CCDC158: variants seen among roughly 807,000 people sequenced by gnomAD.
The protein encoded by CCDC158 is coiled-coil domain containing 158.
Under a neutral mutation model 138.6 loss-of-function variants are expected in CCDC158, and 116 were observed. The ratio of observed to expected loss-of-function variants is 0.84; its 90% CI spans 0.72 to 0.98. The LOEUF is 0.98. Ranked by LOEUF, CCDC158 falls within the 50% of genes least tolerant of loss-of-function variation. The pLI is 0.00. For synonymous variants in CCDC158, 436 were observed against 442.4 expected, an observed-to-expected ratio of 0.99 and a Z score of 0.18; for missense variants, 1,265 against 1,306.1, an observed-to-expected ratio of 0.97 and a Z score of 0.48.
At chr4:76,418,971 G>A (rs1729907258) in intron 1 of CCDC158, among the ~76,000 whole-genome samples, 1 of 152,086 alleles carries the variant, frequency 6.6e-6, no homozygotes, top group Admixed American at 6.6e-5. Flanking sequence ...TTTAATACAT[G>A]GAAGCACTTC....
At chr4:76,346,186 A>G (rs542876239) in intron 18 of CCDC158, among the ~76,000 whole-genome samples, 4 of 152,256 alleles carry the variant, frequency 2.6e-5, no homozygotes, top group Non-Finnish European at 4.4e-5. Context: ...CTGGTTAGCC[A>G]TATACAAAAA....
chr4:76,339,862 C>T (rs980333571), intron 18 of CCDC158, among the ~76,000 whole-genome samples: 2 of 152,164 alleles, frequency 1.3e-5, no homozygotes, highest in African/African-American at 2.4e-5. Flanking sequence ...AAAGTACATG[C>T]CTTTAACTCA....
chr4:76,362,760 C>T (rs1189467443), intron 12 of CCDC158, among the ~76,000 whole-genome samples: 1 of 152,222 alleles, frequency 6.6e-6, no homozygotes, highest in Non-Finnish European at 1.5e-5. Context: ...CCTCAGTTAC[C>T]TCACCCTAGT....
At chr4:76,409,454 C>T (rs78187898) in intron 2 of CCDC158, among the ~76,000 whole-genome samples, 4,460 of 152,240 alleles carry the variant, frequency 0.029, 221 homozygotes, top group African/African-American at 0.1. Flanking sequence ...CCTCTTCTGA[C>T]ATGCCGAAGG....
chr4:76,355,798 C>CGT (rs71212417), intron 14 of CCDC158, among the ~76,000 whole-genome samples: 13,740 of 145,202 alleles, frequency 0.095, 745 homozygotes, highest in Middle Eastern at 0.14. Context: ...AATATATGTA[C>CGT]GTGTGTGTGT....
At chr4:76,377,975 T>G (rs966724616) in intron 9 of CCDC158, among the ~76,000 whole-genome samples, 5 of 152,004 alleles carry the variant, frequency 3.3e-5, no homozygotes, top group African/African-American at 4.8e-5. Flanking sequence ...TTGCTTCAGT[T>G]GCATGTGTGT....
At chr4:76,354,989 C>T (rs144779247) in intron 15 of CCDC158, among the ~76,000 whole-genome samples, 3 of 152,252 alleles carry the variant, frequency 2.0e-5, no homozygotes, top group Non-Finnish European at 2.9e-5. Flanking sequence ...CCATTGTTCC[C>T]ATAAGCCCTG....
At chr4:76,417,232 TCTC>T (rs1729771161) in intron 1 of CCDC158, among the ~76,000 whole-genome samples, 2 of 152,314 alleles carry the variant, frequency 1.3e-5, no homozygotes, top group African/African-American at 4.8e-5. Flanking sequence ...TTGGCCAATT[TCTC>T]CTATTTAGAA....
At position 76,331,408 on chromosome 4, in the gene CCDC158, T is replaced by A. The variant is rs1182330255; in HGVS notation, c.2883-5A>T. 1 of 1,613,202 alleles carries A rather than the reference T, an allele frequency of 6.2e-7. No homozygotes were observed. The highest frequency in any genetic ancestry group is 2.2e-5 in the East Asian group (1 of 44,862). ...TCCCTCAACGAGTTGTTGCTTCTGT[T>A]GGTAGAGGGATGGGAGAAATCACAG... On this transcript the variant is annotated splice_region_variant and splice_polypyrimidine_tract_variant and intron_variant, in intron 20 of 24. Transcript: ENST00000682701.
At chr4:76,388,632 G>A (rs1221051363) in intron 4 of CCDC158, among the ~76,000 whole-genome samples, 1 of 151,708 alleles carries the variant, frequency 6.6e-6, no homozygotes, top group Non-Finnish European at 1.5e-5. Flanking sequence ...TGGACAGCAT[G>A]TCCAGACATG....
intron 8 of CCDC158, 105 bp from the exon 9 acceptor site, chr4:76,379,509 G>A: frequency 1.9e-6 from 1 of 528,772 alleles, no homozygotes; most frequent in South Asian, 3.9e-5. Context: ...ATTTTATATG[G>A]CATTATTAAG....
chr4:76,406,095 G>T (rs556309517), intron 2 of CCDC158, among the ~76,000 whole-genome samples: 5 of 152,196 alleles, frequency 3.3e-5, no homozygotes, highest in Non-Finnish European at 7.4e-5. Flanking sequence ...GTACAAAAAA[G>T]TATGCCTAAA....
At chr4:76,392,038 C>A (rs1183846641) in intron 4 of CCDC158, among the ~76,000 whole-genome samples, 1 of 151,778 alleles carries the variant, frequency 6.6e-6, no homozygotes, top group African/African-American at 2.4e-5. Context: ...TGCTGAATAC[C>A]AAACATTTAA....
At chr4:76,348,150 C>T (rs1011481715) in intron 18 of CCDC158, among the ~76,000 whole-genome samples, 30 of 151,406 alleles carry the variant, frequency 2.0e-4, no homozygotes, top group South Asian at 4.2e-4. Flanking sequence ...TAATGCCGGG[C>T]GCGGTGGCTC....
chr4:76,377,840 T>A (rs1042137735), intron 9 of CCDC158, among the ~76,000 whole-genome samples: 2 of 152,196 alleles, frequency 1.3e-5, no homozygotes, highest in African/African-American at 2.4e-5. Flanking sequence ...AAGGAGGCAG[T>A]GTTATTCAAA....
intron 10 of CCDC158, among the ~76,000 whole-genome samples, chr4:76,370,396 A>G (rs904750072): frequency 1.3e-5 from 2 of 152,194 alleles, no homozygotes; most frequent in African/African-American, 4.8e-5. Context: ...GTCCGGGTAG[A>G]GAGAAAGGAT....
At chr4:76,339,285 C>T (rs1286243866) in intron 18 of CCDC158, among the ~76,000 whole-genome samples, 2 of 152,062 alleles carry the variant, frequency 1.3e-5, no homozygotes, top group Non-Finnish European at 2.9e-5. Flanking sequence ...GAAGAAGCCC[C>T]TTACTATTGG....
chr4:76,332,280 C>A, intron 20 of CCDC158, 152 bp downstream of exon 20: 1 of 591,218 alleles, frequency 1.7e-6, no homozygotes, highest in Non-Finnish European at 3.0e-6. Context: ...GTACATTTCA[C>A]TGAAATCTTT....
At chr4:76,399,540 A>G (rs541869173) in intron 3 of CCDC158, among the ~76,000 whole-genome samples, 43 of 152,320 alleles carry the variant, frequency 2.8e-4, no homozygotes, top group African/African-American at 9.4e-4. Context: ...ATCTGGCTAC[A>G]TTGGCCAGAG....
Sources: gnomAD v4.1 joint callset for allele counts (sites outside exome capture counted in the v4.1 genomes callset) on GRCh38, gnomAD v4.1.1 for gene constraint, MANE v1.5 for transcripts, NCBI Gene and HGNC (gene_info 2026-07-23, HGNC 2026-07-21) for gene names.